Variants in TRA2A observed in about 807,000 individuals in gnomAD.
The protein encoded by TRA2A is transformer 2 alpha homolog.
A neutral mutation model predicts 45.7 loss-of-function variants in TRA2A; 31 were observed. The observed-to-expected ratio is 0.68, with a 90% confidence interval of 0.51 to 0.92. The LOEUF (loss-of-function observed/expected upper bound fraction) is 0.92. Ranked by LOEUF, TRA2A falls within the 40% of genes least tolerant of loss-of-function variation. The pLI, the probability that TRA2A is intolerant of heterozygous loss-of-function variation, is 0.00. For missense variants in TRA2A, 304 were observed against 367.5 expected (o/e 0.83, Z 1.41); for synonymous variants, 132 against 126.2 (o/e 1.05, Z -0.31).
chr7:23,521,910 C>A, intron 1 of TRA2A, 70 bp from the exon 2 acceptor site: 4 of 1,586,464 alleles, frequency 2.5e-6, no homozygotes, highest in South Asian at 2.2e-5. Flanking sequence ...TTTAAAGTAC[C>A]GTAATTATTT....
chr7:23,531,687 C>A (rs1584154857), intron 1 of TRA2A, 102 bp downstream of exon 1: 9 of 1,300,968 alleles, frequency 6.9e-6, no homozygotes, highest in Non-Finnish European at 8.7e-6. Context: ...CCAGAGGTTG[C>A]TCCTCGCGGG....
At chr7:23,510,176 C>G (rs1392467351) in intron 4 of TRA2A, among the ~76,000 whole-genome samples, 1 of 152,164 alleles carries the variant, frequency 6.6e-6, no homozygotes, top group Non-Finnish European at 1.5e-5. Flanking sequence ...AGAATTCAGC[C>G]TGGGCAACTG....
intron 4 of TRA2A, among the ~76,000 whole-genome samples, chr7:23,509,919 G>A (rs372647052): frequency 3.6e-4 from 55 of 152,054 alleles, no homozygotes; most frequent in African/African-American, 1.3e-3. Context: ...CCAGCTACTC[G>A]GGAGGCTAAG....
intron 6 of TRA2A, 150 bp downstream of exon 6, chr7:23,505,988 C>A: frequency 1.3e-6 from 1 of 765,732 alleles, no homozygotes; most frequent in Non-Finnish European, 2.1e-6. Flanking sequence ...AAAATACTGA[C>A]ATATACAGAC....
At chr7:23,529,181 ATTACTT>A (rs1790462647) in intron 1 of TRA2A, among the ~76,000 whole-genome samples, 1 of 152,206 alleles carries the variant, frequency 6.6e-6, no homozygotes. Flanking sequence ...CAAACAACTC[ATTACTT>A]TTATCAAGAC....
intron 4 of TRA2A, among the ~76,000 whole-genome samples, chr7:23,509,463 C>T (rs548177367): frequency 9.9e-5 from 15 of 152,242 alleles, no homozygotes; most frequent in African/African-American, 3.4e-4. Flanking sequence ...AGGCTGGGCG[C>T]GATGGCTCAC....
intron 1 of TRA2A, among the ~76,000 whole-genome samples, chr7:23,529,688 C>T (rs1790490138): frequency 6.6e-6 from 1 of 152,136 alleles, no homozygotes; most frequent in Non-Finnish European, 1.5e-5. Context: ...AAAGATACAA[C>T]AGGTGAGCCT....
At chr7:23,517,298 T>TG (rs1402511101) in intron 2 of TRA2A, among the ~76,000 whole-genome samples, 1 of 149,142 alleles carries the variant, frequency 6.7e-6, no homozygotes, top group African/African-American at 2.5e-5. Flanking sequence ...CTGGCTAACA[T>TG]GGTGAAACCC....
chr7:23,515,703 G>T (rs568623429), intron 3 of TRA2A, among the ~76,000 whole-genome samples: 2 of 151,746 alleles, frequency 1.3e-5, no homozygotes, highest in African/African-American at 4.8e-5. Flanking sequence ...AAGCCACCAC[G>T]CCTGGCTAAT....
chr7:23,508,368 T>C (rs1789438860), intron 4 of TRA2A, among the ~76,000 whole-genome samples: 2 of 151,420 alleles, frequency 1.3e-5, no homozygotes, highest in South Asian at 4.2e-4. Flanking sequence ...TCTTGGCTTA[T>C]GCAATCCTCC....
Position 23,513,099 on chromosome 7 carries a change from T to A in TRA2A, c.337-17A>T, listed in dbSNP as rs775051885. The stretch of plus-strand genomic sequence containing the variant: ...TGGATTTGCCTATTGAATGGAAATA[T>A]TATTTAAAACTCCAAATTAAAATCA... On this transcript the variant is annotated splice_polypyrimidine_tract_variant and intron_variant, in intron 3 of 7. Transcript: ENST00000297071. 1.9e-6 allele frequency: 3 copies of A among 1,561,930 alleles called. No individual in the cohort carries two copies. The East Asian group carries it at 6.8e-5, about 35-fold the overall frequency.
chr7:23,505,541 A>G lies in TRA2A; in HGVS notation c.*18T>C. ...AAAAAGAGGAAAAAAAATGTCCTTA[A>G]TTGCAACCATTCCGTTATCAATAGC... On this transcript the variant is annotated 3_prime_UTR_variant, in exon 8 of 8. Transcript: ENST00000297071. The G allele has an allele frequency of 2.1e-6, 1 of 480,274 alleles. No homozygotes were observed. Among genetic ancestry groups the G allele is most frequent in the Non-Finnish European group, 3.7e-6 (1 of 269,760 alleles). 29.8% of individuals were successfully genotyped at this position (480,274 alleles called of 1,614,324 possible).
intron 4 of TRA2A, among the ~76,000 whole-genome samples, chr7:23,510,713 A>T (rs1171092172): frequency 6.6e-6 from 1 of 152,176 alleles, no homozygotes; most frequent in Non-Finnish European, 1.5e-5. Flanking sequence ...TATTAATAAT[A>T]AAAAAATTAC....
chr7:23,529,441 G>A (rs371506653), intron 1 of TRA2A, among the ~76,000 whole-genome samples: 1 of 151,982 alleles, frequency 6.6e-6, no homozygotes, highest in African/African-American at 2.4e-5. Context: ...TGTATTTTTA[G>A]TAGAGACAGG....
chr7:23,518,393 G>A (rs1347633604), intron 2 of TRA2A, among the ~76,000 whole-genome samples: 1 of 152,162 alleles, frequency 6.6e-6, no homozygotes, highest in African/African-American at 2.4e-5. Context: ...CCAGGCTGGA[G>A]TGCAATGGCA....
Position 23,512,913 on chromosome 7 carries a change from C to T in TRA2A, c.506G>A (p.Arg169Lys). 2 of 1,612,836 alleles carry T rather than the reference C, an allele frequency of 1.2e-6. No homozygotes were observed. The highest frequency in any genetic ancestry group is 1.7e-6 in the Non-Finnish European group (2 of 1,179,398). Residue 169 changes from arginine (R) to lysine (K), a missense_variant, in exon 4 of 8, where the codon AGA (arginine) becomes AAA (lysine). Arg to Lys is a conservative substitution (Grantham distance 26). Transcript: ENST00000297071. ...ATTTACCTCCTTTGAGTCATCTATT[C>T]TCTCAAAATACACAAAAGCAAATCC... The part of the protein sequence containing the change: ...SRGFAFVYFE[R>K]IDDSKEAMER...
At chr7:23,507,336 A>G (rs547969823) in intron 5 of TRA2A, 84 bp downstream of exon 5, 4 of 1,057,756 alleles carry the variant, frequency 3.8e-6, no homozygotes, top group South Asian at 1.4e-5. Flanking sequence ...TTCTAATTAT[A>G]GGAAAAAAGT....
At chr7:23,525,099 A>G (rs1790287914) in intron 1 of TRA2A, among the ~76,000 whole-genome samples, 1 of 152,262 alleles carries the variant, frequency 6.6e-6, no homozygotes, top group Non-Finnish European at 1.5e-5. Context: ...TTAGAAATAA[A>G]GTAACATTTC....
In TRA2A at chr7:23,505,011, A is replaced by G. The variant is rs1337101281; in HGVS notation, c.*548T>C. 2 of 152,594 alleles carry G rather than the reference A, an allele frequency of 1.3e-5. No homozygotes were observed. Among genetic ancestry groups the G allele is most frequent in the African/African-American group, 4.8e-5 (2 of 41,468 alleles). The allele number at this position is 152,594 out of a possible 1,614,324, so 9.5% of individuals were successfully genotyped here. Reference sequence around the variant, plus strand: ...AATCACACTTTAGTTTTTAAGTTTTAACAGATGTATTTCAAATACAGCATG... The same window carrying G: ...AATCACACTTTAGTTTTTAAGTTTTGACAGATGTATTTCAAATACAGCATG... On this transcript the variant is annotated 3_prime_UTR_variant, in exon 8 of 8. Transcript: ENST00000297071.
Sources: gnomAD v4.1 joint callset for allele counts (sites outside exome capture counted in the v4.1 genomes callset) on GRCh38, gnomAD v4.1.1 for gene constraint, MANE v1.5 for transcripts, NCBI Gene and HGNC (gene_info 2026-07-23, HGNC 2026-07-21) for gene names.